RALGAPA2: variants seen among roughly 807,000 people sequenced by gnomAD.
RALGAPA2 encodes the protein Ral GTPase activating protein catalytic subunit alpha 2.
A neutral mutation model predicts 230.4 loss-of-function variants in RALGAPA2; 139 were observed. That is an observed-to-expected ratio of 0.60 (90% CI 0.53 to 0.69). RALGAPA2 has a LOEUF of 0.69. Ranked by LOEUF, RALGAPA2 falls within the 30% of genes least tolerant of loss-of-function variation. RALGAPA2 has a pLI of 0.00. For missense variants in RALGAPA2, 2,163 were observed against 2,276.0 expected, an observed-to-expected ratio of 0.95 and a Z score of 1.01; for synonymous variants, 847 against 837.8, an observed-to-expected ratio of 1.01 and a Z score of -0.19.
chr20:20,535,706 TA>T, intron 26 of RALGAPA2, 38 bp downstream of exon 26: 1 of 1,530,590 alleles, frequency 6.5e-7, no homozygotes. Flanking sequence ...ATGTGTATCT[TA>T]AAATTCTAAA....
chr20:20,680,539 C>T (rs1016180762), intron 2 of RALGAPA2, among the ~76,000 whole-genome samples, 152 bp downstream of exon 2: 1 of 152,100 alleles, frequency 6.6e-6, no homozygotes, highest in Non-Finnish European at 1.5e-5. Context: ...TCAAGAGAAA[C>T]AAAGATGCCA....
At chr20:20,452,976 T>A (rs1602409499) in intron 37 of RALGAPA2, among the ~76,000 whole-genome samples, 2 of 152,312 alleles carry the variant, frequency 1.3e-5, no homozygotes, top group Non-Finnish European at 2.9e-5. Context: ...CTGGTTACCA[T>A]TCACAAAACT....
chr20:20,536,859 C>T (rs529741153), intron 24 of RALGAPA2, 75 bp from the exon 25 acceptor site: 2 of 1,440,418 alleles, frequency 1.4e-6, no homozygotes, highest in South Asian at 1.3e-5. Context: ...ACATGTTTTA[C>T]TCTTCATCCT....
intron 36 of RALGAPA2, among the ~76,000 whole-genome samples, chr20:20,473,212 C>G (rs989303848): frequency 6.6e-6 from 1 of 152,132 alleles, no homozygotes; most frequent in Non-Finnish European, 1.5e-5. Context: ...CGTTTTTTCT[C>G]TTCTGTTGTC....
intron 37 of RALGAPA2, among the ~76,000 whole-genome samples, chr20:20,457,430 A>C (rs1446449169): frequency 1.3e-5 from 2 of 152,228 alleles, no homozygotes; most frequent in Non-Finnish European, 2.9e-5. Flanking sequence ...TTTGAATATA[A>C]AGATGAGTTG....
At chr20:20,416,304 C>A (rs964149737) in intron 37 of RALGAPA2, among the ~76,000 whole-genome samples, 1 of 152,132 alleles carries the variant, frequency 6.6e-6, no homozygotes, top group Admixed American at 6.6e-5. Flanking sequence ...CTGTGTCAGG[C>A]TCCATGGCAA....
intron 1 of RALGAPA2, among the ~76,000 whole-genome samples, chr20:20,694,729 T>G (rs571881523): frequency 1.3e-5 from 2 of 152,302 alleles, no homozygotes; most frequent in South Asian, 4.1e-4. Context: ...TGTTAGACCA[T>G]GCAGATGACT....
chr20:20,407,948 A>G (rs1481391029), intron 38 of RALGAPA2, among the ~76,000 whole-genome samples: 1 of 152,166 alleles, frequency 6.6e-6, no homozygotes. Context: ...CATAGTGAGG[A>G]ATTTTCTCCC....
chr20:20,553,690 G>C (rs1055285414), intron 23 of RALGAPA2, among the ~76,000 whole-genome samples: 2 of 152,174 alleles, frequency 1.3e-5, no homozygotes, highest in Non-Finnish European at 2.9e-5. Context: ...GAGGCCACAG[G>C]AGCTGTTCTG....
intron 37 of RALGAPA2, among the ~76,000 whole-genome samples, chr20:20,444,501 G>T (rs1020435766): frequency 6.6e-6 from 1 of 152,058 alleles, no homozygotes; most frequent in African/African-American, 2.4e-5. Flanking sequence ...AAAGCTCAAT[G>T]AATTTTCACA....
chr20:20,681,381 T>A (rs935582641), intron 1 of RALGAPA2, among the ~76,000 whole-genome samples: 1 of 152,196 alleles, frequency 6.6e-6, no homozygotes, highest in South Asian at 2.1e-4. Context: ...GGATCTACCA[T>A]GTGTTCCTAG....
Position 20,396,561 on chromosome 20 carries a change from C to T in RALGAPA2, c.*35+134G>A. On this transcript the variant is annotated intron_variant, in intron 39 of 39. Coordinates refer to ENST00000202677, the MANE Select transcript of RALGAPA2 (RefSeq NM_020343.4). ...CAGGGGCAGGAGTGTGGGCAGGGCCCCCGGGGAGGGGAAGGCCCAGGAGGG... is the reference window on the plus strand; with the variant it reads ...CAGGGGCAGGAGTGTGGGCAGGGCCTCCGGGGAGGGGAAGGCCCAGGAGGG... The T allele has an allele frequency of 6.4e-6, 5 of 777,080 alleles. No homozygotes were observed. The South Asian group carries it at 8.0e-5, about 12-fold the overall frequency. 48.1% of individuals were successfully genotyped at this position (777,080 alleles called of 1,614,324 possible).
intron 37 of RALGAPA2, among the ~76,000 whole-genome samples, chr20:20,430,211 G>A (rs1286357446): frequency 6.6e-6 from 1 of 152,346 alleles, no homozygotes; most frequent in African/African-American, 2.4e-5. Flanking sequence ...AGTGGCACCC[G>A]GTCAGTGGAA....
intron 27 of RALGAPA2, among the ~76,000 whole-genome samples, chr20:20,526,971 T>A (rs556513605): frequency 6.6e-6 from 1 of 152,152 alleles, no homozygotes; most frequent in Non-Finnish European, 1.5e-5. Flanking sequence ...GCATCTCAAG[T>A]CACCAACAAG....
intron 38 of RALGAPA2, among the ~76,000 whole-genome samples, chr20:20,399,181 C>T (rs527811756): frequency 6.6e-6 from 1 of 152,126 alleles, no homozygotes; most frequent in East Asian, 1.9e-4. Flanking sequence ...CCTGTCTCTA[C>T]TAAAAATACC....
chr20:20,578,823 G>A (rs564038380), intron 20 of RALGAPA2, among the ~76,000 whole-genome samples: 2 of 152,268 alleles, frequency 1.3e-5, no homozygotes, highest in South Asian at 4.1e-4. Context: ...ACAGTAAGAT[G>A]GCATCCTGCT....
chr20:20,417,422 G>A (rs1050787252), intron 37 of RALGAPA2, among the ~76,000 whole-genome samples: 5 of 152,118 alleles, frequency 3.3e-5, no homozygotes, highest in African/African-American at 7.2e-5. Context: ...CTGCATTCAC[G>A]GGGCTGCATG....
At chr20:20,501,380 C>T (rs940478190) in intron 35 of RALGAPA2, among the ~76,000 whole-genome samples, 22 of 152,252 alleles carry the variant, frequency 1.4e-4, no homozygotes, top group African/African-American at 4.8e-4. Context: ...CTTAATGCTT[C>T]GCCTTGTGCT....
rs1305495662 is a variant in RALGAPA2 at position 20,390,625 on chromosome 20, G to C, written c.*2664C>G. The stretch of plus-strand genomic sequence containing the variant: ...TGCCTCAGGTGGGGCCCTAGTGGAT[G>C]AATGATCCTCCGCAATTTTGCTGAA... On this transcript the variant is annotated 3_prime_UTR_variant, in exon 40 of 40. Coordinates refer to ENST00000202677, the MANE Select transcript of RALGAPA2 (RefSeq NM_020343.4). The C allele has an allele frequency of 6.6e-6, 1 of 151,806 alleles. No homozygotes were observed. Among genetic ancestry groups the C allele is most frequent in the Non-Finnish European group, 1.5e-5 (1 of 67,990 alleles). 9.4% of individuals were successfully genotyped at this position (151,806 alleles called of 1,614,324 possible).
Sources: gnomAD v4.1 joint callset for allele counts (sites outside exome capture counted in the v4.1 genomes callset) on GRCh38, gnomAD v4.1.1 for gene constraint, MANE v1.5 for transcripts, NCBI Gene and HGNC (gene_info 2026-07-23, HGNC 2026-07-21) for gene names.